Variants in RPS6KA5 observed in about 807,000 individuals in gnomAD.
The protein encoded by RPS6KA5 is ribosomal protein S6 kinase alpha-5.
Under a neutral mutation model 85.5 loss-of-function variants are expected in RPS6KA5, and 27 were observed. That is an observed-to-expected ratio of 0.32 (90% confidence interval 0.23 to 0.44). The LOEUF (loss-of-function observed/expected upper bound fraction) is 0.44. Among genes scored for constraint, RPS6KA5 ranks in the 20% least tolerant of loss-of-function variants. The pLI is 1.00. For synonymous variants in RPS6KA5, 334 were observed against 348.2 expected (o/e 0.96, Z 0.46); for missense variants, 811 against 980.9 (o/e 0.83, Z 2.31).
intron 3 of RPS6KA5, 60 bp downstream of exon 3, chr14:90,978,246 A>G (rs2039648981): frequency 5.4e-6 from 7 of 1,284,706 alleles, no homozygotes; most frequent in South Asian, 4.3e-5. Flanking sequence ...TAAGTACATT[A>G]TAACTTAAGA....
At chr14:90,974,498 C>T (rs775995403) in intron 3 of RPS6KA5, among the ~76,000 whole-genome samples, 2 of 152,184 alleles carry the variant, frequency 1.3e-5, no homozygotes, top group African/African-American at 4.8e-5. Flanking sequence ...TTCTGCATCC[C>T]GTGAATCCAG....
chr14:90,912,904 C>T (rs1189059027), intron 7 of RPS6KA5, among the ~76,000 whole-genome samples: 11 of 53,294 alleles, frequency 2.1e-4, no homozygotes, highest in East Asian at 7.0e-4. Flanking sequence ...CATAAAGCAT[C>T]TTTTTTTTTT....
chr14:91,001,807 T>C (rs2040807875), intron 1 of RPS6KA5, among the ~76,000 whole-genome samples: 1 of 152,172 alleles, frequency 6.6e-6, no homozygotes, highest in Non-Finnish European at 1.5e-5. Context: ...TAAATTAGCA[T>C]TTTCCATAAC....
chr14:91,053,770 GCCAAA>G (rs2043193686), intron 1 of RPS6KA5, among the ~76,000 whole-genome samples: 2 of 152,282 alleles, frequency 1.3e-5, no homozygotes, highest in East Asian at 3.9e-4. Context: ...TGGCAACACT[GCCAAA>G]GTTTAACTAA....
chr14:90,968,499 T>C (rs1333656206), intron 3 of RPS6KA5, among the ~76,000 whole-genome samples: 1 of 152,192 alleles, frequency 6.6e-6, no homozygotes, highest in East Asian at 1.9e-4. Context: ...TGGGAGGACA[T>C]TATTCAGTCT....
Position 90,959,943 on chromosome 14 carries a change from T to C in RPS6KA5, c.395-12393A>G, listed in dbSNP as rs113880188. Among the ~76,000 whole-genome samples the C allele has an allele frequency of 4.7e-3, 718 of 152,278 alleles. 6 individuals are homozygous for C. Among genetic ancestry groups the C allele is most frequent in the African/African-American group, 0.016 (679 of 41,558 alleles). ...CAAACCAGCAAGTACTGACAGCACA[T>C]GGGAAACCTCTGAGAACAGGTGCCA... is the stretch of plus-strand genomic sequence containing the variant. On this transcript the variant is annotated intron_variant, in intron 3 of 16. Transcript: ENST00000614987.
rs1389447225 is a variant in RPS6KA5 at position 90,861,280 on chromosome 14, T to C, written c.*10794A>G. On this transcript the variant is annotated 3_prime_UTR_variant, in exon 17 of 17. Coordinates refer to ENST00000614987, the MANE Select transcript of RPS6KA5 (RefSeq NM_004755.4). ...GCTCACGCCTGTAATCCCAGCACTT[T>C]GGGAGGCCGAGGCGGGCGGATCACG... 6.7e-6 allele frequency: 1 copy of C among 150,284 alleles called. No homozygotes were observed. The highest frequency in any genetic ancestry group is 1.5e-5 in the Non-Finnish European group (1 of 67,592). 9.3% of individuals were successfully genotyped at this position (150,284 alleles called of 1,614,324 possible). A position where few individuals can be genotyped will look rare whatever the true frequency, so the allele number is the denominator to read the frequency against.
chr14:90,864,935 T>G lies in RPS6KA5; in HGVS notation c.*7139A>C, dbSNP rs2032735223. ...AGCACTGATGAGGATGTGGAAGAAC[T>G]AGAACACTTACACATTATTGGTGGG... On this transcript the variant is annotated 3_prime_UTR_variant, in exon 17 of 17. Transcript: ENST00000614987. 1 of 152,252 alleles carries G rather than the reference T, an allele frequency of 6.6e-6. No homozygotes were observed. The highest frequency in any genetic ancestry group is 1.5e-5 in the Non-Finnish European group (1 of 68,052). 9.4% of individuals were successfully genotyped at this position (152,252 alleles called of 1,614,324 possible).
chr14:90,925,076 T>A (rs567072043), intron 5 of RPS6KA5, among the ~76,000 whole-genome samples: 183 of 152,178 alleles, frequency 1.2e-3, no homozygotes, highest in Non-Finnish European at 2.0e-3. Flanking sequence ...CATATTCCAC[T>A]GGTAATCGCC....
In RPS6KA5 at chr14:90,872,326, G is replaced by T. The variant is rs548218755; in HGVS notation, c.2161-4C>A. ...CTCTCTTGTATTTGTTAAAGGCCTG[G>T]CGGGGGAAAAAAAGGGAACCCCTGT... is the stretch of plus-strand genomic sequence containing the variant. On this transcript the variant is annotated splice_region_variant and splice_polypyrimidine_tract_variant and intron_variant, in intron 16 of 16. Transcript: ENST00000614987. The T allele has an allele frequency of 6.3e-7, 1 of 1,596,708 alleles. No individual in the cohort carries two copies. The highest frequency in any genetic ancestry group is 2.2e-5 in the East Asian group (1 of 44,802).
intron 2 of RPS6KA5, 89 bp from the exon 3 acceptor site, chr14:90,978,613 A>T (rs988259632): frequency 5.2e-6 from 5 of 964,530 alleles, no homozygotes; most frequent in Non-Finnish European, 7.5e-6. Context: ...TAATGCACAA[A>T]AAATACACTC....
chr14:90,983,797 CTCTCTCTCTCTCTCTCTCTG>C (rs1286401844), intron 2 of RPS6KA5, among the ~76,000 whole-genome samples: 2 of 117,748 alleles, frequency 1.7e-5, no homozygotes, highest in African/African-American at 3.4e-5. Context: ...TTCTCTCTCT[CTCTCTCTCTCTCTCTCTCTG>C]TCTCTCTCTC....
chr14:90,903,052 T>C, intron 8 of RPS6KA5, 83 bp from the exon 9 acceptor site: 1 of 1,199,404 alleles, frequency 8.3e-7, no homozygotes, highest in Admixed American at 2.0e-5. Context: ...ATTAGGATTT[T>C]GACTGGTAGG....
At chr14:90,941,022 G>A (rs2140348636) in intron 5 of RPS6KA5, among the ~76,000 whole-genome samples, 1 of 152,190 alleles carries the variant, frequency 6.6e-6, no homozygotes, top group Non-Finnish European at 1.5e-5. Context: ...CACACAGAAG[G>A]CCCTCAACAA....
In RPS6KA5 at chr14:90,900,246, C is replaced by T; in HGVS notation, c.1246-5G>A. On this transcript the variant is annotated splice_polypyrimidine_tract_variant and splice_region_variant and intron_variant, in intron 10 of 16. Coordinates refer to ENST00000614987, the MANE Select transcript of RPS6KA5 (RefSeq NM_004755.4). ...GTGTTGATAGAATGGAGAGTCCTGTCAAGAAATCAACATCATTTAACTTCA... is the reference window on the plus strand; with the variant it reads ...GTGTTGATAGAATGGAGAGTCCTGTTAAGAAATCAACATCATTTAACTTCA... 6.5e-7 allele frequency: 1 copy of T among 1,545,166 alleles called. No homozygotes were observed. The highest frequency in any genetic ancestry group is 8.7e-7 in the Non-Finnish European group (1 of 1,147,022).
chr14:91,058,003 C>G (rs1332281227), intron 1 of RPS6KA5, among the ~76,000 whole-genome samples: 2 of 152,134 alleles, frequency 1.3e-5, no homozygotes, highest in South Asian at 2.1e-4. Flanking sequence ...ATAAAGTGTT[C>G]TGCACAAATG....
At chr14:90,986,528 C>T (rs2040061215) in intron 2 of RPS6KA5, among the ~76,000 whole-genome samples, 2 of 152,230 alleles carry the variant, frequency 1.3e-5, no homozygotes, top group East Asian at 3.9e-4. Context: ...CTATTTATAT[C>T]TCAAAAGACA....
intron 5 of RPS6KA5, among the ~76,000 whole-genome samples, chr14:90,927,164 C>A (rs531625584): frequency 6.6e-6 from 1 of 151,834 alleles, no homozygotes; most frequent in East Asian, 1.9e-4. Flanking sequence ...TACAGAAATG[C>A]CTTGTGTATA....
In RPS6KA5 at chr14:90,858,428, AATT is replaced by A. The variant is rs1330853870; in HGVS notation, c.*13643_*13645del. ...GGATTCGACATTTTCAGCGATCGAG[AATT>A]ATTATACTTTGTAAATGGAAATACC... is the stretch of plus-strand genomic sequence containing the variant. On this transcript the variant is annotated 3_prime_UTR_variant, in exon 17 of 17. Coordinates refer to ENST00000614987, the MANE Select transcript of RPS6KA5 (RefSeq NM_004755.4). The A allele has an allele frequency of 1.3e-5, 2 of 152,212 alleles. No individual in the cohort carries two copies. Among genetic ancestry groups the A allele is most frequent in the African/African-American group, 4.8e-5 (2 of 41,438 alleles). The allele number at this position is 152,212 out of a possible 1,614,324, so 9.4% of individuals were successfully genotyped here. A position where few individuals can be genotyped will look rare whatever the true frequency, so the allele number is the denominator to read the frequency against.
Sources: allele counts gnomAD v4.1 joint callset (sites outside exome capture counted in the v4.1 genomes callset), GRCh38; gene constraint gnomAD v4.1.1; transcripts MANE v1.5; gene names NCBI Gene and HGNC (gene_info 2026-07-23, HGNC 2026-07-21).